Variants in TUBGCP3 observed in about 807,000 individuals in gnomAD.
TUBGCP3 encodes gamma-tubulin complex component 3.
Under a neutral mutation model 123.1 loss-of-function variants are expected in TUBGCP3, and 50 were observed. The observed-to-expected ratio is 0.41, with a 90% CI of 0.32 to 0.51. The LOEUF is 0.51. TUBGCP3 is among the 20% of genes least tolerant of loss of function. TUBGCP3 has a pLI of 0.36. For synonymous variants in TUBGCP3, 405 were observed against 413.9 expected (o/e 0.98, Z 0.26); for missense variants, 882 against 1,127.0 (o/e 0.78, Z 3.11).
intron 17 of TUBGCP3, among the ~76,000 whole-genome samples, chr13:112,510,317 CATG>C (rs756098625): frequency 3.9e-5 from 6 of 152,166 alleles, no homozygotes; most frequent in Admixed American, 1.3e-4. Flanking sequence ...TACTGCTAAA[CATG>C]ATATTTGTTT....
upstream of TUBGCP3, among the ~76,000 whole-genome samples, chr13:112,591,404 A>G (rs527495585): frequency 6.6e-6 from 1 of 152,350 alleles, no homozygotes; most frequent in East Asian, 1.9e-4. Flanking sequence ...CATCGTCAGT[A>G]GATGAGGAAG....
chr13:112,545,770 C>G lies in TUBGCP3; in HGVS notation c.1264G>C (p.Val422Leu), dbSNP rs1157793158. The G allele has an allele frequency of 6.2e-7, 1 of 1,614,050 alleles. No individual in the cohort carries two copies. Among genetic ancestry groups the G allele is most frequent in the African/African-American group, 1.3e-5 (1 of 74,914 alleles). ...AGGAAGCTCAAAACAGGATGAGACA[C>G]GAGGCTGAGGATGTGCTGCACCAGA... is the stretch of plus-strand genomic sequence containing the variant. ...RSLVQHILSL[V>L]SHPVLSFLYR... Residue 422 changes from valine (V) to leucine (L), a missense_variant, in exon 11 of 22, where the codon GTG becomes CTG. Coordinates refer to ENST00000261965, the MANE Select transcript of TUBGCP3 (RefSeq NM_006322.6). This position sits in a 1 kb window ranked among gnomAD's most constrained non-coding sequence, Gnocchi z 4.1.
chr13:112,509,768 T>C (rs1417679343), intron 17 of TUBGCP3, among the ~76,000 whole-genome samples: 2 of 152,168 alleles, frequency 1.3e-5, no homozygotes, highest in Admixed American at 6.5e-5. Context: ...ATCACAATTA[T>C]TTTTCTTTCC....
intron 19 of TUBGCP3, among the ~76,000 whole-genome samples, chr13:112,502,315 C>T (rs895683768): frequency 6.6e-6 from 1 of 152,186 alleles, no homozygotes. Context: ...GCGACTGCAC[C>T]GTGAGACAGG....
At position 112,526,036 on chromosome 13, in the gene TUBGCP3, C is replaced by T. The variant is rs568644950; in HGVS notation, c.1555+906G>A. ...ACTTTTAAGTAATCTGTAATATCAG[C>T]ACATCATCATCACCTCCACTATCAT... On this transcript the variant is annotated intron_variant, in intron 13 of 21. Transcript: ENST00000261965. Among the ~76,000 whole-genome samples, 24 of 152,210 alleles carry T rather than the reference C, an allele frequency of 1.6e-4. No homozygotes were observed. In the South Asian group the frequency reaches 3.9e-3, roughly 25 times the overall value.
the TUBGCP3 span, among the ~76,000 whole-genome samples, chr13:112,600,551 ATTACT>A: frequency 4.6e-5 from 7 of 152,198 alleles, no homozygotes; most frequent in Non-Finnish European, 1.0e-4. Flanking sequence ...AGATGGATAA[ATTACT>A]TTAGAAGTCA....
At chr13:112,554,835 T>C (rs1309522482) in intron 7 of TUBGCP3, 52 bp downstream of exon 7, 2 of 1,341,858 alleles carry the variant, frequency 1.5e-6, no homozygotes, top group Non-Finnish European at 2.1e-6. Context: ...CTGGACTTCA[T>C]GACATGTTTT....
intron 11 of TUBGCP3, among the ~76,000 whole-genome samples, chr13:112,541,771 A>T (rs1878538227): frequency 6.6e-6 from 1 of 152,218 alleles, no homozygotes. Flanking sequence ...ATGAAAACTC[A>T]GACAATTCCC....
chr13:112,569,399 GCTA>G (rs1429226682), intron 1 of TUBGCP3, 140 bp from the exon 2 acceptor site: 11 of 643,918 alleles, frequency 1.7e-5, no homozygotes, highest in Non-Finnish European at 2.9e-5. Flanking sequence ...GGACAGAAAA[GCTA>G]TTAAGATATC....
chr13:112,591,660 G>A (rs182029498), upstream of TUBGCP3, among the ~76,000 whole-genome samples: 13 of 152,162 alleles, frequency 8.5e-5, no homozygotes, highest in East Asian at 2.5e-3. Flanking sequence ...TCAGAAATGT[G>A]TCTGTGTTTC....
At chr13:112,503,197 T>C (rs1229183627) in intron 19 of TUBGCP3, among the ~76,000 whole-genome samples, 32 of 152,134 alleles carry the variant, frequency 2.1e-4, no homozygotes, top group Admixed American at 2.1e-3. Flanking sequence ...TCACAATATA[T>C]TTGCTTCAAG....
intron 16 of TUBGCP3, among the ~76,000 whole-genome samples, chr13:112,518,008 T>C (rs1486904231): frequency 6.6e-6 from 1 of 152,210 alleles, no homozygotes; most frequent in African/African-American, 2.4e-5. Flanking sequence ...TTGAATATGA[T>C]GAGAAATTAA....
intron 3 of TUBGCP3, among the ~76,000 whole-genome samples, chr13:112,562,234 G>A (rs1416922853): frequency 6.7e-6 from 1 of 150,224 alleles, no homozygotes; most frequent in Non-Finnish European, 1.5e-5. Flanking sequence ...CACCAGCCAG[G>A]GCCTACTAGG....
chr13:112,544,538 A>G (rs1878829176), intron 11 of TUBGCP3: 2 of 152,026 alleles, frequency 1.3e-5, no homozygotes, highest in African/African-American at 4.8e-5. Flanking sequence ...ACTCATAAAT[A>G]CGTGCAGGGA....
intron 1 of TUBGCP3, among the ~76,000 whole-genome samples, chr13:112,570,643 G>T (rs368888820): frequency 6.6e-6 from 1 of 152,196 alleles, no homozygotes; most frequent in South Asian, 2.1e-4. Context: ...TGACCAGGGC[G>T]GTGGTTGCTG....
At chr13:112,544,406 T>C (rs945307253) in intron 11 of TUBGCP3, 13 of 142,010 alleles carry the variant, frequency 9.2e-5, no homozygotes, top group African/African-American at 2.7e-4. Flanking sequence ...TGAGCCGAGA[T>C]TGAGCCACTG....
At chr13:112,542,680 T>G (rs1878622196) in intron 11 of TUBGCP3, among the ~76,000 whole-genome samples, 1 of 152,196 alleles carries the variant, frequency 6.6e-6, no homozygotes, top group Non-Finnish European at 1.5e-5. Flanking sequence ...TTGAGCTACC[T>G]ACAGTGTCAG....
chr13:112,503,487 T>G (rs1887650), intron 19 of TUBGCP3, among the ~76,000 whole-genome samples: 148,075 of 152,108 alleles, frequency 0.97, 72,111 homozygotes, highest in East Asian at 1. Context: ...CTCCTGTCTC[T>G]GCCTCCCAAG....
rs147671592 is a variant in TUBGCP3 at position 112,574,948 on chromosome 13, G to A, written c.77-5689C>T. ...CCCAGCCAGGGCCCAGGTGGGGAGG[G>A]AGGGAGGAAGCACCACAGCTCTCCC... On this transcript the variant is annotated intron_variant, in intron 1 of 21. Coordinates refer to ENST00000261965, the MANE Select transcript of TUBGCP3 (RefSeq NM_006322.6). Among the ~76,000 whole-genome samples the A allele has an allele frequency of 9.5e-3, 1,442 of 152,352 alleles. 16 individuals carry two copies. The highest frequency in any genetic ancestry group is 0.016 in the Admixed American group (247 of 15,310).
Sources: gnomAD v4.1 joint callset for allele counts (sites outside exome capture counted in the v4.1 genomes callset) on GRCh38, gnomAD v4.1.1 for gene constraint, Gnocchi (gnomAD v3.1) non-coding constraint, MANE v1.5 for transcripts, NCBI Gene and HGNC (gene_info 2026-07-23, HGNC 2026-07-21) for gene names.